LRRC7: variants seen among roughly 807,000 people sequenced by gnomAD.
LRRC7 encodes the protein leucine rich repeat containing 7.
Under a neutral mutation model 175.7 loss-of-function variants are expected in LRRC7, and 23 were observed. That is an observed-to-expected ratio of 0.13 (90% CI 0.09 to 0.19). LRRC7 has a LOEUF of 0.19. LRRC7 is among the 10% of genes least tolerant of loss of function. The probability of loss-of-function intolerance (pLI) is 1.00; values close to 1 mark genes in which losing one functional copy is unlikely to be tolerated. For synonymous variants in LRRC7, 685 were observed against 680.9 expected, an observed-to-expected ratio of 1.01 and a Z score of -0.09; for missense variants, 1,354 against 1,904.7, an observed-to-expected ratio of 0.71 and a Z score of 5.38.
intron 8 of LRRC7, among the ~76,000 whole-genome samples, chr1:69,966,798 G>A (rs935036046): frequency 2.0e-5 from 3 of 152,248 alleles, no homozygotes; most frequent in Admixed American, 6.5e-5. Context: ...AAATACAGGG[G>A]TAGAGGAAGC....
intron 9 of LRRC7, among the ~76,000 whole-genome samples, chr1:69,984,889 C>A (rs570880350): frequency 5.0e-4 from 76 of 152,262 alleles, no homozygotes; most frequent in African/African-American, 1.8e-3. Flanking sequence ...GACATAGAAA[C>A]CCTTTCAGCA....
At chr1:69,988,671 TG>T (rs1469995569) in intron 10 of LRRC7, among the ~76,000 whole-genome samples, 1 of 152,152 alleles carries the variant, frequency 6.6e-6, no homozygotes, top group Non-Finnish European at 1.5e-5. Flanking sequence ...AACTAGTATG[TG>T]GAGCTACAGA....
At position 69,688,281 on chromosome 1, in the gene LRRC7, T is replaced by C. The variant is rs376397614; in HGVS notation, c.100+9803T>C. Among the ~76,000 whole-genome samples the C allele has an allele frequency of 5.5e-4, 84 of 152,302 alleles. No individual in the cohort carries two copies. The South Asian group carries it at 0.016, about 29-fold the overall frequency. On this transcript the variant is annotated intron_variant, in intron 2 of 26. Transcript: ENST00000651989. ...GATCCTGGAGCCACCCCTTTTCCAA[T>C]TGACTTCACCTCAAGTCTGTACTGA...
chr1:69,674,606 C>T (rs888905277), intron 1 of LRRC7, among the ~76,000 whole-genome samples: 1 of 152,088 alleles, frequency 6.6e-6, no homozygotes, highest in Non-Finnish European at 1.5e-5. Flanking sequence ...TTAGTTAATT[C>T]ATGATGACGA....
chr1:69,673,078 A>C (rs955473125), intron 1 of LRRC7, among the ~76,000 whole-genome samples: 2 of 152,172 alleles, frequency 1.3e-5, no homozygotes, highest in Non-Finnish European at 2.9e-5. Context: ...CCAAGTATAT[A>C]TTTTTTATTT....
chr1:69,929,386 C>G (rs1391289792), intron 7 of LRRC7, among the ~76,000 whole-genome samples: 1 of 152,206 alleles, frequency 6.6e-6, no homozygotes, highest in Non-Finnish European at 1.5e-5. Context: ...ACCCAAAACC[C>G]TGCTCCACTT....
intron 7 of LRRC7, among the ~76,000 whole-genome samples, chr1:69,840,352 T>C (rs1392746792): frequency 6.6e-6 from 1 of 152,080 alleles, no homozygotes; most frequent in Non-Finnish European, 1.5e-5. Context: ...TATAGTATCC[T>C]TTATTTTGCA....
chr1:69,821,751 C>T (rs2101213386), intron 4 of LRRC7, among the ~76,000 whole-genome samples: 1 of 152,008 alleles, frequency 6.6e-6, no homozygotes. Flanking sequence ...AAAAATTAGC[C>T]TGGTGTGTTG....
chr1:69,775,324 T>C (rs1301975174), intron 3 of LRRC7, among the ~76,000 whole-genome samples: 3 of 152,258 alleles, frequency 2.0e-5, no homozygotes, highest in Admixed American at 2.0e-4. Context: ...AATGTTTTAA[T>C]ATTATTCATT....
At chr1:69,789,041 A>G (rs1674815735) in intron 3 of LRRC7, among the ~76,000 whole-genome samples, 3 of 152,120 alleles carry the variant, frequency 2.0e-5, no homozygotes, top group Admixed American at 6.5e-5. Context: ...TGGAATATAC[A>G]TTTTTTAGCT....
chr1:69,897,640 G>T (rs191829934), intron 7 of LRRC7, among the ~76,000 whole-genome samples: 1 of 152,016 alleles, frequency 6.6e-6, no homozygotes, highest in Non-Finnish European at 1.5e-5. Flanking sequence ...TTTATGCTAC[G>T]GCATTGTGGT....
chr1:69,862,074 C>T (rs1440604064), intron 7 of LRRC7, among the ~76,000 whole-genome samples: 1 of 152,158 alleles, frequency 6.6e-6, no homozygotes, highest in East Asian at 1.9e-4. Flanking sequence ...ACACAAAGAG[C>T]ACTGTCTAGC....
Position 70,016,455 on chromosome 1 carries a change from G to T in LRRC7, c.1251-10G>T. 1 of 1,571,124 alleles carries T rather than the reference G, an allele frequency of 6.4e-7. No homozygotes were observed. On this transcript the variant is annotated splice_polypyrimidine_tract_variant and intron_variant, in intron 13 of 26. Coordinates refer to ENST00000651989, the MANE Select transcript of LRRC7 (RefSeq NM_001370785.2). ...TTACCCATGCTATTAGACTTTTTGT[G>T]TTTTTGCAGATTGAAGAATTTACCA...
intron 7 of LRRC7, among the ~76,000 whole-genome samples, chr1:69,900,296 A>G (rs559411144): frequency 1.3e-5 from 2 of 152,200 alleles, no homozygotes; most frequent in Non-Finnish European, 2.9e-5. Flanking sequence ...AGAAGTAATC[A>G]TAATAGAGGT....
chr1:69,882,222 A>T (rs1428867757), intron 7 of LRRC7, among the ~76,000 whole-genome samples: 1 of 152,172 alleles, frequency 6.6e-6, no homozygotes, highest in African/African-American at 2.4e-5. Context: ...AAGACTAGAG[A>T]TAACTAGATA....
intron 11 of LRRC7, among the ~76,000 whole-genome samples, chr1:70,009,420 C>G (rs1656292177): frequency 6.7e-6 from 1 of 150,358 alleles, no homozygotes; most frequent in Non-Finnish European, 1.5e-5. Context: ...GATTCCTGCC[C>G]CCACAAACAC....
At chr1:69,785,605 A>G (rs1022720408) in intron 3 of LRRC7, among the ~76,000 whole-genome samples, 8 of 151,934 alleles carry the variant, frequency 5.3e-5, no homozygotes, top group African/African-American at 1.9e-4. Flanking sequence ...CCACTTCTTT[A>G]TCTCATTCCA....
At chr1:69,994,395 A>C (rs557849023) in intron 10 of LRRC7, among the ~76,000 whole-genome samples, 166 bp from the exon 11 acceptor site, 3 of 152,194 alleles carry the variant, frequency 2.0e-5, no homozygotes, top group Non-Finnish European at 2.9e-5. Flanking sequence ...CTAGAAGGTC[A>C]AAATTAGACT....
At chr1:69,620,198 C>T (rs930259000) in intron 1 of LRRC7, among the ~76,000 whole-genome samples, 42 of 152,090 alleles carry the variant, frequency 2.8e-4, no homozygotes, top group African/African-American at 8.7e-4. Flanking sequence ...TTTTAGAAAC[C>T]GTAGCCACTT....
Sources: allele counts gnomAD v4.1 joint callset (sites outside exome capture counted in the v4.1 genomes callset), GRCh38; gene constraint gnomAD v4.1.1; transcripts MANE v1.5; gene names NCBI Gene and HGNC (gene_info 2026-07-23, HGNC 2026-07-21).